Variants in SUGCT observed in about 807,000 individuals in gnomAD.
The protein encoded by SUGCT is succinyl-CoA:glutarate CoA-transferase.
In SUGCT, 41 loss-of-function variants were observed where a neutral mutation model predicts 55.0. The observed-to-expected ratio is 0.74, with a 90% CI of 0.58 to 0.97. The LOEUF (loss-of-function observed/expected upper bound fraction) is 0.97, where lower values mean the gene tolerates loss of function less well. Ranked by LOEUF, SUGCT falls within the 50% of genes least tolerant of loss-of-function variation. The pLI is 0.00. For missense variants in SUGCT, 568 were observed against 547.8 expected (o/e 1.04, Z -0.37); for synonymous variants, 187 against 200.4 (o/e 0.93, Z 0.56).
At chr7:40,423,237 A>G (rs1787407551) in intron 9 of SUGCT, among the ~76,000 whole-genome samples, 1 of 152,162 alleles carries the variant, frequency 6.6e-6, no homozygotes, top group South Asian at 2.1e-4. Flanking sequence ...TATTACTTTT[A>G]GGAACCCACC....
chr7:40,801,990 C>T (rs149868518), intron 13 of SUGCT, among the ~76,000 whole-genome samples: 1 of 151,830 alleles, frequency 6.6e-6, no homozygotes, highest in East Asian at 1.9e-4. Flanking sequence ...CCGAGAAACC[C>T]AGTCATTAAA....
At chr7:40,724,440 G>A (rs1412855403) in intron 12 of SUGCT, among the ~76,000 whole-genome samples, 2 of 152,150 alleles carry the variant, frequency 1.3e-5, no homozygotes, top group Non-Finnish European at 2.9e-5. Context: ...GCGTGCGCCT[G>A]TAGTCCCAGC....
At chr7:40,927,390 G>T in the SUGCT span, among the ~76,000 whole-genome samples, 1 of 152,168 alleles carries the variant, frequency 6.6e-6, no homozygotes, top group Non-Finnish European at 1.5e-5. Flanking sequence ...GAAAAGGGGA[G>T]TCAGAACTAT....
chr7:40,326,850 A>G (rs1022733273), intron 9 of SUGCT, among the ~76,000 whole-genome samples: 13 of 152,222 alleles, frequency 8.5e-5, no homozygotes, highest in Admixed American at 8.5e-4. Flanking sequence ...TAAAAAATAT[A>G]TACTCACCTT....
At chr7:40,571,459 A>G (rs115938107) in intron 12 of SUGCT, among the ~76,000 whole-genome samples, 2 of 152,268 alleles carry the variant, frequency 1.3e-5, no homozygotes, top group African/African-American at 4.8e-5. Context: ...TGGTAAATGC[A>G]TGTCATTATT....
intron 1 of SUGCT, among the ~76,000 whole-genome samples, chr7:40,145,587 G>A (rs1428979097): frequency 6.6e-6 from 1 of 151,526 alleles, no homozygotes; most frequent in Non-Finnish European, 1.5e-5. Context: ...CTAGTCTAAG[G>A]CCACAAGATT....
At chr7:40,171,979 CCT>C (rs556326765) in intron 1 of SUGCT, among the ~76,000 whole-genome samples, 1 of 151,916 alleles carries the variant, frequency 6.6e-6, no homozygotes, top group African/African-American at 2.4e-5. Flanking sequence ...TCTCTCTTTT[CCT>C]CTCTCTCTCT....
At chr7:40,466,098 G>A (rs1391990448) in intron 11 of SUGCT, among the ~76,000 whole-genome samples, 1 of 151,932 alleles carries the variant, frequency 6.6e-6, no homozygotes, top group East Asian at 1.9e-4. Flanking sequence ...GGGGGAGTGG[G>A]GTTTCCCTAT....
chr7:40,583,921 G>A (rs944751311), intron 12 of SUGCT, among the ~76,000 whole-genome samples: 2 of 152,156 alleles, frequency 1.3e-5, no homozygotes, highest in African/African-American at 4.8e-5. Flanking sequence ...TTACTTGCCA[G>A]GATGCCTGCT....
At chr7:40,360,328 A>T (rs189061711) in intron 9 of SUGCT, among the ~76,000 whole-genome samples, 1,715 of 151,532 alleles carry the variant, frequency 0.011, 31 homozygotes, top group African/African-American at 0.039. Context: ...ATTTTTTTTT[A>T]AAAATACTGT....
chr7:40,140,065 G>A (rs896250209), intron 1 of SUGCT, among the ~76,000 whole-genome samples: 2 of 151,900 alleles, frequency 1.3e-5, no homozygotes, highest in Non-Finnish European at 2.9e-5. Context: ...ACCATGCCCC[G>A]CGAATTTTTT....
chr7:40,157,248 C>T (rs1783942588), intron 1 of SUGCT, among the ~76,000 whole-genome samples: 1 of 151,936 alleles, frequency 6.6e-6, no homozygotes, highest in South Asian at 2.1e-4. Flanking sequence ...AGGGATCTTC[C>T]CCTTTTCTTC....
intron 13 of SUGCT, among the ~76,000 whole-genome samples, chr7:40,780,775 C>CTTTTTTTT (rs34455435): frequency 1.5e-5 from 2 of 134,806 alleles, no homozygotes; most frequent in Non-Finnish European, 3.2e-5. Context: ...TCTTCTTCTT[C>CTTTTTTTT]TTTTTTTTTT....
the SUGCT span, among the ~76,000 whole-genome samples, chr7:40,934,775 C>T: frequency 2.0e-5 from 3 of 152,298 alleles, no homozygotes; most frequent in Admixed American, 2.0e-4. Flanking sequence ...TCCTGATCTG[C>T]CGGTTGCTAA....
intron 12 of SUGCT, among the ~76,000 whole-genome samples, chr7:40,703,383 G>A (rs558718283): frequency 7.2e-5 from 11 of 152,220 alleles, no homozygotes; most frequent in African/African-American, 2.4e-4. Flanking sequence ...CTCAGCACAG[G>A]TGAAGCTCTG....
At chr7:40,467,204 G>GAAAAAAAAAAAA (rs762283927) in intron 11 of SUGCT, among the ~76,000 whole-genome samples, 11 of 83,608 alleles carry the variant, frequency 1.3e-4, no homozygotes, top group East Asian at 4.7e-4. Context: ...CTAAGAAAAA[G>GAAAAAAAAAAAA]AAAAAAAAAA....
intron 9 of SUGCT, among the ~76,000 whole-genome samples, chr7:40,344,455 G>T (rs1797211449): frequency 6.6e-6 from 1 of 151,958 alleles, no homozygotes; most frequent in African/African-American, 2.4e-5. Flanking sequence ...ACTTTTAAAT[G>T]GCTGAAAAAA....
At chr7:40,469,520 G>A (rs1053021987) in intron 11 of SUGCT, among the ~76,000 whole-genome samples, 47 of 152,190 alleles carry the variant, frequency 3.1e-4, no homozygotes, top group Admixed American at 2.4e-3. Flanking sequence ...AAATCAGCCC[G>A]GAGGGTAAAA....
At chr7:40,940,661 T>C in the SUGCT span, among the ~76,000 whole-genome samples, 1 of 151,864 alleles carries the variant, frequency 6.6e-6, no homozygotes, top group African/African-American at 2.4e-5. Context: ...AGGATTGAGT[T>C]CTTGATTTCA....
Sources: allele counts gnomAD v4.1 joint callset (sites outside exome capture counted in the v4.1 genomes callset), GRCh38; gene constraint gnomAD v4.1.1; transcripts MANE v1.5; gene names NCBI Gene and HGNC (gene_info 2026-07-23, HGNC 2026-07-21).